The following BLK variants were observed in gnomAD, a reference collection of about 807,000 sequenced individuals.
BLK encodes BLK proto-oncogene, Src family tyrosine kinase, also known as tyrosine-protein kinase Blk.
BLK carries 64 observed loss-of-function variants against 61.8 expected under a neutral mutation model. That is an observed-to-expected ratio of 1.03 (90% CI 0.85 to 1.27). The LOEUF (loss-of-function observed/expected upper bound fraction) is 1.27. Among genes scored for constraint, BLK ranks in the 50% most tolerant of loss-of-function variants. The pLI, the probability that BLK is intolerant of heterozygous loss-of-function variation, is 0.00. For missense variants in BLK, 853 were observed against 660.5 expected (o/e 1.29, Z -3.19); for synonymous variants, 351 against 272.0 (o/e 1.29, Z -2.86).
At chr8:11,517,135 G>A (rs1799261703) in intron 1 of BLK, among the ~76,000 whole-genome samples, 1 of 152,178 alleles carries the variant, frequency 6.6e-6, no homozygotes, top group Non-Finnish European at 1.5e-5. Context: ...GGAGGACAGG[G>A]AAGAGGAGAG....
At chr8:11,556,914 C>A (rs559967227) in intron 9 of BLK, 77 bp downstream of exon 9, 4 of 1,289,560 alleles carry the variant, frequency 3.1e-6, no homozygotes, top group Non-Finnish European at 3.1e-6. Flanking sequence ...GGGTCCGCTG[C>A]GGTGGGTTCA....
intron 1 of BLK, among the ~76,000 whole-genome samples, chr8:11,530,957 C>G (rs1459308307): frequency 6.6e-6 from 1 of 152,184 alleles, no homozygotes; most frequent in Non-Finnish European, 1.5e-5. Context: ...TTCACCTTAC[C>G]ATCAGCCTCA....
chr8:11,515,950 A>G (rs1799208044), intron 1 of BLK, among the ~76,000 whole-genome samples: 1 of 152,238 alleles, frequency 6.6e-6, no homozygotes, highest in African/African-American at 2.4e-5. Flanking sequence ...AGGCTTTTGT[A>G]TCCTGGTGTG....
At chr8:11,506,663 C>A (rs1798779885) in intron 1 of BLK, among the ~76,000 whole-genome samples, 3 of 152,268 alleles carry the variant, frequency 2.0e-5, no homozygotes, top group Admixed American at 1.3e-4. Context: ...GTTCTGGGAG[C>A]CTCATGAGTC....
Position 11,564,141 on chromosome 8 carries a change from T to C in BLK, c.*33T>C, listed in dbSNP as rs766851944. On this transcript the variant is annotated 3_prime_UTR_variant, in exon 13 of 13. Coordinates refer to ENST00000259089, the MANE Select transcript of BLK (RefSeq NM_001715.3). Reference sequence around the variant, plus strand: ...CGCCCGCCTGCGCCCCGTGCCCACCTCTGCGCGGACGACCCCGACTTCCGT... The same window carrying C: ...CGCCCGCCTGCGCCCCGTGCCCACCCCTGCGCGGACGACCCCGACTTCCGT... The C allele has an allele frequency of 1.3e-6, 2 of 1,536,420 alleles. No individual in the cohort carries two copies. The highest frequency in any genetic ancestry group is 2.4e-5 in the South Asian group (2 of 84,178).
chr8:11,543,680 C>T (rs1230369291), intron 2 of BLK, among the ~76,000 whole-genome samples: 1 of 152,188 alleles, frequency 6.6e-6, no homozygotes, highest in African/African-American at 2.4e-5. Context: ...CCTGGAGACC[C>T]TTGTCCCCTA....
At chr8:11,521,767 G>A (rs1353804235) in intron 1 of BLK, among the ~76,000 whole-genome samples, 1 of 152,152 alleles carries the variant, frequency 6.6e-6, no homozygotes. Context: ...GAGACTCTCC[G>A]TTCACTTCCT....
intron 1 of BLK, among the ~76,000 whole-genome samples, chr8:11,502,733 C>T (rs1798613405): frequency 6.6e-6 from 1 of 152,210 alleles, no homozygotes; most frequent in African/African-American, 2.4e-5. Flanking sequence ...GTCTTGAGGC[C>T]ACACTGCAGA....
At position 11,555,460 on chromosome 8, in the gene BLK, G is replaced by A; in HGVS notation, c.748G>A (p.Gly250Arg). 1 of 1,614,176 alleles carries A rather than the reference G, an allele frequency of 6.2e-7. No homozygotes were observed. Among genetic ancestry groups the A allele is most frequent in the Non-Finnish European group, 8.5e-7 (1 of 1,180,024 alleles). ...SLRLVRKLGS[G>R]QFGEVWMGYY... is the part of the protein sequence containing the mutation. Reference sequence around the variant, plus strand: ...CAGGCTGGTCAGGAAACTCGGGTCTGGACAATTCGGCGAAGTCTGGATGGG... The same window carrying A: ...CAGGCTGGTCAGGAAACTCGGGTCTAGACAATTCGGCGAAGTCTGGATGGG... The change falls in exon 8 of 13, where the codon GGA (glycine) becomes AGA (arginine). Residue 250 changes from glycine (G) to arginine (R), a missense_variant. Physicochemically the swap from Gly to Arg is moderately radical, Grantham distance 125. Transcript: ENST00000259089.
chr8:11,507,233 G>A (rs901460256), intron 1 of BLK, among the ~76,000 whole-genome samples: 6 of 152,222 alleles, frequency 3.9e-5, no homozygotes, highest in Non-Finnish European at 2.9e-5. Flanking sequence ...GCGGGCTAGG[G>A]AGGAAGGACA....
At chr8:11,526,688 C>T (rs1415225639) in intron 1 of BLK, among the ~76,000 whole-genome samples, 1 of 152,130 alleles carries the variant, frequency 6.6e-6, no homozygotes, top group Non-Finnish European at 1.5e-5. Flanking sequence ...CAGTGCACTC[C>T]AGCCTGGGGG....
chr8:11,525,871 A>C (rs1799633939), intron 1 of BLK, among the ~76,000 whole-genome samples: 1 of 152,022 alleles, frequency 6.6e-6, no homozygotes. Flanking sequence ...TAGCCTCCTG[A>C]GTAGCTGGAA....
At chr8:11,498,057 G>A (rs1798420425) in intron 1 of BLK, among the ~76,000 whole-genome samples, 1 of 152,144 alleles carries the variant, frequency 6.6e-6, no homozygotes, top group South Asian at 2.1e-4. Flanking sequence ...TCAAAGCGCT[G>A]GTGCTTTCCA....
intron 1 of BLK, among the ~76,000 whole-genome samples, chr8:11,538,785 G>T (rs1800243674): frequency 6.6e-6 from 1 of 152,186 alleles, no homozygotes; most frequent in African/African-American, 2.4e-5. Context: ...AAAGGCCTGA[G>T]GTTCAGGCAG....
chr8:11,537,723 T>A (rs1478897), intron 1 of BLK, among the ~76,000 whole-genome samples: 82,409 of 152,142 alleles, frequency 0.54, 23,441 homozygotes, highest in Non-Finnish European at 0.64. Flanking sequence ...TTATCAAGGC[T>A]AACATGTATT....
rs527481369 is a variant in BLK, at chr8:11,541,277, T to C, written c.-1-1947T>C. On this transcript the variant is annotated intron_variant, in intron 1 of 12. Transcript: ENST00000259089. Reference sequence around the variant, plus strand: ...AGTGAGACACTGTCTCAAAACAAAATAATTAGCAAATAAGAATCCATCCAT... The same window carrying C: ...AGTGAGACACTGTCTCAAAACAAAACAATTAGCAAATAAGAATCCATCCAT... Among the ~76,000 whole-genome samples, 3 of 152,146 alleles carry C rather than the reference T, an allele frequency of 2.0e-5. No homozygotes were observed. The South Asian group carries it at 6.2e-4, about 32-fold the overall frequency.
intron 10 of BLK, chr8:11,561,066 G>A (rs560525409): frequency 1.5e-6 from 1 of 684,214 alleles, no homozygotes; most frequent in Non-Finnish European, 2.7e-6. Flanking sequence ...AGAACGAGGA[G>A]GGGGAGGGGC....
chr8:11,501,012 C>T (rs2898281), intron 1 of BLK, among the ~76,000 whole-genome samples: 37,958 of 151,626 alleles, frequency 0.25, 6,152 homozygotes, highest in East Asian at 0.69. Context: ...GGTTCGAGAC[C>T]AGCCTGGCCA....
rs1413592299 is a variant in BLK at position 11,551,449 on chromosome 8, T to A, written c.472+1187T>A. On this transcript the variant is annotated intron_variant, in intron 6 of 12. Transcript: ENST00000259089. ...CAATTTGGATTAGGGCCCACCCATA[T>A]GACCTCATTTTAACTTAATCACCCC... Among the ~76,000 whole-genome samples, 3 of 152,228 alleles carry A rather than the reference T, an allele frequency of 2.0e-5. No individual in the cohort carries two copies. In the East Asian group the frequency reaches 5.8e-4, roughly 29 times the overall value.
Sources: allele counts gnomAD v4.1 joint callset (sites outside exome capture counted in the v4.1 genomes callset), GRCh38; gene constraint gnomAD v4.1.1; transcripts MANE v1.5; gene names NCBI Gene and HGNC (gene_info 2026-07-23, HGNC 2026-07-21).